The following CPXM2 variants were observed in gnomAD, a reference collection of about 807,000 sequenced individuals.
CPXM2 encodes the protein inactive carboxypeptidase-like protein X2.
CPXM2 carries 66 observed loss-of-function variants against 86.1 expected under a neutral mutation model. That is an observed-to-expected ratio of 0.77 (90% CI 0.63 to 0.94). The LOEUF (loss-of-function observed/expected upper bound fraction) is 0.94, where lower values mean the gene tolerates loss of function less well. Ranked by LOEUF, CPXM2 falls within the 40% of genes least tolerant of loss-of-function variation. The pLI, the probability that CPXM2 is intolerant of heterozygous loss-of-function variation, is 0.00. For missense variants in CPXM2, 948 were observed against 1,026.3 expected (o/e 0.92, Z 1.04); for synonymous variants, 388 against 400.2 (o/e 0.97, Z 0.36).
intron 6 of CPXM2, among the ~76,000 whole-genome samples, chr10:123,782,434 T>C (rs1356597490): frequency 2.0e-5 from 3 of 152,228 alleles, no homozygotes; most frequent in East Asian, 1.9e-4. Context: ...AAGAGCTCTA[T>C]GTTTGGCAAC....
At chr10:123,822,449 T>C (rs558427036) in intron 4 of CPXM2, among the ~76,000 whole-genome samples, 146 of 152,192 alleles carry the variant, frequency 9.6e-4, no homozygotes, top group African/African-American at 3.3e-3. Flanking sequence ...AACATAGAGA[T>C]TGCATACTAA....
chr10:123,892,296 C>A (rs369671834), upstream of CPXM2, among the ~76,000 whole-genome samples: 49 of 152,188 alleles, frequency 3.2e-4, no homozygotes, highest in East Asian at 8.2e-3. Context: ...GAGTAAAGTT[C>A]CCTGGGAGCA....
At chr10:123,937,964 T>C (rs1945738412) in intron 2 of CPXM2, among the ~76,000 whole-genome samples, 1 of 152,172 alleles carries the variant, frequency 6.6e-6, no homozygotes, top group African/African-American at 2.4e-5. Flanking sequence ...AGCAGCTCTG[T>C]CTTCCTTCTG....
intron 2 of CPXM2, among the ~76,000 whole-genome samples, chr10:123,924,639 A>G (rs1485286060): frequency 6.6e-6 from 1 of 152,196 alleles, no homozygotes; most frequent in Non-Finnish European, 1.5e-5. Flanking sequence ...TCACTTTTGT[A>G]TGATTGATTA....
intron 6 of CPXM2, among the ~76,000 whole-genome samples, chr10:123,789,979 G>A (rs61863789): frequency 0.049 from 7,388 of 152,228 alleles, 219 homozygotes; most frequent in South Asian, 0.1. Flanking sequence ...TTAGCCAGGT[G>A]CTGTGGTGAG....
At chr10:123,802,445 T>A (rs1023659730) in intron 4 of CPXM2, among the ~76,000 whole-genome samples, 13 of 152,232 alleles carry the variant, frequency 8.5e-5, no homozygotes, top group African/African-American at 2.9e-4. Flanking sequence ...CCTAGTTTCG[T>A]CTTTGATAAT....
intron 3 of CPXM2, among the ~76,000 whole-genome samples, chr10:123,844,491 T>C (rs1848457001): frequency 3.3e-5 from 5 of 152,180 alleles, no homozygotes; most frequent in Admixed American, 1.3e-4. Context: ...GACTCAATTT[T>C]GCTTAAGATA....
chr10:123,759,329 C>T (rs1220080563), intron 11 of CPXM2, among the ~76,000 whole-genome samples: 1 of 152,208 alleles, frequency 6.6e-6, no homozygotes, highest in East Asian at 1.9e-4. Context: ...CACTTCCACC[C>T]TTTTCGTCCT....
Position 123,752,364 on chromosome 10 carries a change from G to A in CPXM2, c.2017+2299C>T, listed in dbSNP as rs1014963200. On this transcript the variant is annotated intron_variant, in intron 13 of 13. Transcript: ENST00000241305. ...AAGATCAGTGACAAATGGTAGGAATGTTCAGAAAATATTATTGAGCAAAGA... is the reference window on the plus strand; with the variant it reads ...AAGATCAGTGACAAATGGTAGGAATATTCAGAAAATATTATTGAGCAAAGA... 3.8e-5 allele frequency: 37 copies of A among 984,784 alleles called. No individual in the cohort carries two copies. In the East Asian group the frequency reaches 4.5e-4, roughly 12 times the overall value. 61.0% of individuals were successfully genotyped at this position (984,784 alleles called of 1,614,324 possible).
upstream of CPXM2, among the ~76,000 whole-genome samples, chr10:123,893,812 G>A (rs1027348274): frequency 2.0e-5 from 3 of 152,304 alleles, no homozygotes; most frequent in East Asian, 1.9e-4. Context: ...GCGTTCCAGC[G>A]AGCTGTGTGA....
chr10:123,923,627 T>G (rs1412387309), intron 2 of CPXM2, among the ~76,000 whole-genome samples: 1 of 152,014 alleles, frequency 6.6e-6, no homozygotes, highest in Non-Finnish European at 1.5e-5. Context: ...GTGAGGAAAT[T>G]TGAACATAAA....
At chr10:123,809,032 A>C (rs1847637015) in intron 4 of CPXM2, among the ~76,000 whole-genome samples, 1 of 152,098 alleles carries the variant, frequency 6.6e-6, no homozygotes, top group South Asian at 2.1e-4. Context: ...GCATGGTGAA[A>C]TAGCACGGCA....
chr10:123,767,575 T>A (rs1265488641), intron 9 of CPXM2, among the ~76,000 whole-genome samples: 1 of 152,200 alleles, frequency 6.6e-6, no homozygotes, highest in East Asian at 1.9e-4. Context: ...ACTGACTATA[T>A]CTGCACCAAT....
intron 3 of CPXM2, among the ~76,000 whole-genome samples, chr10:123,859,886 G>A (rs149058546): frequency 1.8e-4 from 28 of 152,228 alleles, no homozygotes; most frequent in Middle Eastern, 3.4e-3. Flanking sequence ...CAGCCTCGCC[G>A]GCTGCTCCCT....
intron 2 of CPXM2, among the ~76,000 whole-genome samples, chr10:123,918,808 G>A (rs1440329615): frequency 1.3e-5 from 2 of 152,192 alleles, no homozygotes; most frequent in Non-Finnish European, 2.9e-5. Flanking sequence ...ACTAGAGGAA[G>A]CTGGAAAAGG....
At chr10:123,851,768 CAAA>C (rs58638640) in intron 3 of CPXM2, among the ~76,000 whole-genome samples, 77 of 101,030 alleles carry the variant, frequency 7.6e-4, no homozygotes, top group East Asian at 2.1e-3. Flanking sequence ...GACATCATCT[CAAA>C]AAAAAAAAAA....
chr10:123,813,076 G>A (rs180827317), intron 4 of CPXM2, among the ~76,000 whole-genome samples: 18 of 152,164 alleles, frequency 1.2e-4, no homozygotes, highest in African/African-American at 3.6e-4. Flanking sequence ...ACAGGAAAAC[G>A]CCACAACTAC....
At chr10:123,827,592 T>A (rs1306241409) in intron 4 of CPXM2, among the ~76,000 whole-genome samples, 1 of 152,176 alleles carries the variant, frequency 6.6e-6, no homozygotes, top group Non-Finnish European at 1.5e-5. Flanking sequence ...TGGAAAAATA[T>A]CCCATGTTCA....
intron 3 of CPXM2, among the ~76,000 whole-genome samples, chr10:123,855,256 G>A (rs756288722): frequency 1.6e-4 from 25 of 152,194 alleles, no homozygotes; most frequent in East Asian, 3.9e-4. Context: ...TCCTTGACTC[G>A]GAAACTATGT....
Sources: gnomAD v4.1 joint callset for allele counts (sites outside exome capture counted in the v4.1 genomes callset) on GRCh38, gnomAD v4.1.1 for gene constraint, MANE v1.5 for transcripts, NCBI Gene and HGNC (gene_info 2026-07-23, HGNC 2026-07-21) for gene names.